HIVEP1: variants seen among roughly 807,000 people sequenced by gnomAD.
The protein encoded by HIVEP1 is HIVEP zinc finger 1.
In HIVEP1, 36 loss-of-function variants were observed where a neutral mutation model predicts 180.0. The ratio of observed to expected loss-of-function variants is 0.20; its 90% CI spans 0.15 to 0.26. HIVEP1 has a LOEUF of 0.26. Ranked by LOEUF, HIVEP1 falls within the 10% of genes least tolerant of loss-of-function variation. HIVEP1 has a pLI of 1.00. For missense variants in HIVEP1, 3,143 were observed against 3,268.7 expected, an observed-to-expected ratio of 0.96 and a Z score of 0.94; for synonymous variants, 1,239 against 1,239.0, an observed-to-expected ratio of 1.00 and a Z score of 0.00.
intron 2 of HIVEP1, among the ~76,000 whole-genome samples, chr6:12,049,527 A>G (rs1175253089): frequency 6.6e-6 from 1 of 152,232 alleles, no homozygotes; most frequent in Non-Finnish European, 1.5e-5. Context: ...TTAAATGACT[A>G]TACGATATTA....
rs1771353726 is a variant in HIVEP1, at chr6:12,063,222, A to G, written c.41-25962A>G. ...TATTGATTTCTAGCAGAGTTTTTCA[A>G]CCTCAGCTCCATTTATGATTTGGCC... On this transcript the variant is annotated intron_variant, in intron 2 of 8. Coordinates refer to ENST00000379388, the MANE Select transcript of HIVEP1 (RefSeq NM_002114.4). The surrounding 1 kb of genome is among the most constrained non-coding windows in gnomAD (Gnocchi z 4.2). Among the ~76,000 whole-genome samples, 2 of 152,044 alleles carry G rather than the reference A, an allele frequency of 1.3e-5. No individual in the cohort carries two copies. Among genetic ancestry groups the G allele is most frequent in the African/African-American group, 2.4e-5 (1 of 41,378 alleles).
chr6:12,074,579 G>A (rs922743811), intron 2 of HIVEP1, among the ~76,000 whole-genome samples: 2 of 151,248 alleles, frequency 1.3e-5, no homozygotes, highest in African/African-American at 4.9e-5. Context: ...ATGGATTTAG[G>A]GGTCTCCATA....
At chr6:12,174,942 C>T in the HIVEP1 span, among the ~76,000 whole-genome samples, 1 of 152,088 alleles carries the variant, frequency 6.6e-6, no homozygotes, top group Non-Finnish European at 1.5e-5. Flanking sequence ...TGCATTACTT[C>T]GGTCCAGAGT....
chr6:12,017,106 AATAT>A (rs1453045141), intron 2 of HIVEP1, among the ~76,000 whole-genome samples: 2 of 152,230 alleles, frequency 1.3e-5, no homozygotes, highest in Non-Finnish European at 2.9e-5. Flanking sequence ...TCATATTTAA[AATAT>A]ATGTTCATAA....
intron 2 of HIVEP1, among the ~76,000 whole-genome samples, chr6:12,048,681 C>T (rs1465619430): frequency 6.6e-6 from 1 of 152,150 alleles, no homozygotes; most frequent in Non-Finnish European, 1.5e-5. Context: ...ACCATAGAGG[C>T]TAAAACGAGA....
At chr6:12,117,736 G>T (rs974210962) in intron 3 of HIVEP1, among the ~76,000 whole-genome samples, 1 of 152,204 alleles carries the variant, frequency 6.6e-6, no homozygotes, top group Non-Finnish European at 1.5e-5. Context: ...CCTGACATGG[G>T]TAGATTATTT....
At chr6:12,167,711 G>GTGTATAATATATATA (rs1562023856), downstream of HIVEP1, among the ~76,000 whole-genome samples, 3 of 49,534 alleles carry the variant, frequency 6.1e-5, no homozygotes, top group South Asian at 5.3e-4. Context: ...ATACATATAT[G>GTGTATAATATATATA]CATAATATAT....
intron 3 of HIVEP1, among the ~76,000 whole-genome samples, chr6:12,118,425 C>A (rs1025275579): frequency 6.6e-6 from 1 of 152,020 alleles, no homozygotes; most frequent in Non-Finnish European, 1.5e-5. Flanking sequence ...TGTTCATATG[C>A]CCAACAATCC....
intron 7 of HIVEP1, among the ~76,000 whole-genome samples, chr6:12,144,893 G>A (rs1473354906): frequency 6.6e-6 from 1 of 152,216 alleles, no homozygotes; most frequent in Non-Finnish European, 1.5e-5. Context: ...AGGATGTGGG[G>A]AAATCGGAAC....
chr6:12,098,503 T>C (rs1349132382), intron 3 of HIVEP1, among the ~76,000 whole-genome samples: 1 of 152,192 alleles, frequency 6.6e-6, no homozygotes. Flanking sequence ...ATAAGGATAA[T>C]ATGTGTTGCT....
intron 2 of HIVEP1, among the ~76,000 whole-genome samples, chr6:12,074,646 G>A (rs571767187): frequency 1.6e-3 from 243 of 151,392 alleles, no homozygotes; most frequent in African/African-American, 5.5e-3. Context: ...GTGTGTGTGC[G>A]CGCGCGTGCA....
At chr6:12,181,722 A>G in the HIVEP1 span, among the ~76,000 whole-genome samples, 2 of 152,246 alleles carry the variant, frequency 1.3e-5, no homozygotes, top group East Asian at 1.9e-4. Flanking sequence ...TACAGTCAGT[A>G]CAGGAAAATG....
At chr6:12,076,477 T>C (rs1772360170) in intron 2 of HIVEP1, among the ~76,000 whole-genome samples, 1 of 152,172 alleles carries the variant, frequency 6.6e-6, no homozygotes, top group African/African-American at 2.4e-5. Flanking sequence ...GAAATTTCTT[T>C]TTCACAGTTC....
At chr6:12,031,250 AT>A (rs894685309) in intron 2 of HIVEP1, among the ~76,000 whole-genome samples, 1 of 152,156 alleles carries the variant, frequency 6.6e-6, no homozygotes, top group African/African-American at 2.4e-5. Context: ...GGACCCTCTT[AT>A]GTCTTCTTTG....
rs13194805 is a variant in HIVEP1, at chr6:12,078,719, C to T, written c.41-10465C>T. Among the ~76,000 whole-genome samples, 87 of 146,454 alleles carry T rather than the reference C, an allele frequency of 5.9e-4. 1 individual carries two copies. Among genetic ancestry groups the T allele is most frequent in the Non-Finnish European group, 1.1e-3 (71 of 65,292 alleles). On this transcript the variant is annotated intron_variant, in intron 2 of 8. Coordinates refer to ENST00000379388, the MANE Select transcript of HIVEP1 (RefSeq NM_002114.4). ...AAACATATATATAAACACACACACA[C>T]ATATATATATACTTTTAACATTTGT...
At chr6:12,171,788 A>C in the HIVEP1 span, among the ~76,000 whole-genome samples, 1 of 152,220 alleles carries the variant, frequency 6.6e-6, no homozygotes, top group Non-Finnish European at 1.5e-5. Context: ...TCATATTTGC[A>C]TAATAATCAG....
At chr6:12,198,421 A>T in the HIVEP1 span, among the ~76,000 whole-genome samples, 1 of 152,220 alleles carries the variant, frequency 6.6e-6, no homozygotes. Flanking sequence ...TGAAGATGCA[A>T]AGAGAACATA....
chr6:12,085,844 T>TCA (rs988675743), intron 2 of HIVEP1, among the ~76,000 whole-genome samples: 2 of 152,190 alleles, frequency 1.3e-5, no homozygotes, highest in African/African-American at 4.8e-5. Context: ...TGTTTTTAAT[T>TCA]CAGTCTTCTT....
chr6:12,027,723 C>T (rs576875756), intron 2 of HIVEP1, among the ~76,000 whole-genome samples: 1 of 152,168 alleles, frequency 6.6e-6, no homozygotes, highest in Non-Finnish European at 1.5e-5. Flanking sequence ...GAGTGGAGTG[C>T]CAGGTCTTGA....
Sources: gnomAD v4.1 joint callset for allele counts (sites outside exome capture counted in the v4.1 genomes callset) on GRCh38, gnomAD v4.1.1 for gene constraint, Gnocchi (gnomAD v3.1) non-coding constraint, MANE v1.5 for transcripts, NCBI Gene and HGNC (gene_info 2026-07-23, HGNC 2026-07-21) for gene names.